PTPRU: variants seen among roughly 807,000 people sequenced by gnomAD.
PTPRU encodes protein tyrosine phosphatase receptor type U.
In PTPRU, 69 loss-of-function variants were observed where a neutral mutation model predicts 166.3. The observed-to-expected ratio is 0.41, with a 90% CI of 0.34 to 0.51. PTPRU has a LOEUF of 0.51. Among genes scored for constraint, PTPRU ranks in the 20% least tolerant of loss-of-function variants. The pLI is 0.09. For synonymous variants in PTPRU, 793 were observed against 814.0 expected (o/e 0.97, Z 0.44); for missense variants, 1,657 against 2,013.7 (o/e 0.82, Z 3.39).
At chr1:29,242,502 T>G (rs1684103109) in intron 1 of PTPRU, among the ~76,000 whole-genome samples, 1 of 152,212 alleles carries the variant, frequency 6.6e-6, no homozygotes. Flanking sequence ...TCCAATACGG[T>G]GGCTCCTGAG....
At chr1:29,278,778 T>C (rs1685926816) in intron 8 of PTPRU, among the ~76,000 whole-genome samples, 1 of 152,256 alleles carries the variant, frequency 6.6e-6, no homozygotes, top group Admixed American at 6.5e-5. Flanking sequence ...TAGTAATAGG[T>C]TGAACCATAT....
chr1:29,255,517 A>G, intron 2 of PTPRU, 111 bp downstream of exon 2: 2 of 1,446,422 alleles, frequency 1.4e-6, no homozygotes, highest in South Asian at 1.3e-5. Context: ...CCCCATCTAC[A>G]TTTGCATCTT....
Position 29,255,392 on chromosome 1 carries a change from C to A in PTPRU, c.191C>A (p.Ala64Glu), listed in dbSNP as rs199954695. 3.1e-6 allele frequency: 5 copies of A among 1,614,128 alleles called. No individual in the cohort carries two copies. The highest frequency in any genetic ancestry group is 4.2e-6 in the Non-Finnish European group (5 of 1,179,992). ...VRIHPGTRAP[A>E]DLPHGSYLMV... ...ATCCACCCTGGCACCCGGGCACCTG[C>A]GGACCTGCCCCACGGTAAGTCTACT... is the stretch of plus-strand genomic sequence containing the variant. The change falls in exon 2 of 30, where the codon GCG (alanine) becomes GAG (glutamate). Residue 64 changes from alanine (A) to glutamate (E), a missense_variant. By Grantham distance (107) the Ala-to-Glu change is moderately radical. Transcript: ENST00000373779.
At chr1:29,288,984 C>G (rs1686492210) in intron 14 of PTPRU, among the ~76,000 whole-genome samples, 2 of 152,152 alleles carry the variant, frequency 1.3e-5, no homozygotes, top group Admixed American at 1.3e-4. Context: ...GGATCCCACA[C>G]CCAGGGGCAG....
chr1:29,304,039 G>A lies in PTPRU; in HGVS notation c.2661G>A (p.Glu887=), dbSNP rs750225213. The A allele has an allele frequency of 2.5e-6, 4 of 1,604,106 alleles. No individual in the cohort carries two copies. Among genetic ancestry groups the A allele is most frequent in the African/African-American group, 1.3e-5 (1 of 74,704 alleles). Residue 887 remains glutamate (E), a synonymous_variant, in exon 16 of 30, where the codon GAG becomes GAA. Transcript: ENST00000373779. The part of the protein sequence containing the change: ...KTAEGYGFKQ[E]YESFFEGWDA... ...CCGAGGGTTACGGCTTCAAGCAGGA[G>A]TATGAGGTGCACGCCGGCCCCGGGC...
intron 26 of PTPRU, among the ~76,000 whole-genome samples, chr1:29,321,164 G>A (rs1472737422): frequency 4.6e-5 from 7 of 151,134 alleles, no homozygotes; most frequent in African/African-American, 1.5e-4. Flanking sequence ...TCGAGTAGCT[G>A]GGACTACAGG....
chr1:29,267,319 T>C (rs1685347862), intron 7 of PTPRU, among the ~76,000 whole-genome samples: 1 of 152,218 alleles, frequency 6.6e-6, no homozygotes, highest in African/African-American at 2.4e-5. Context: ...TATGTGTGAA[T>C]TCGGTTATAT....
chr1:29,300,105 T>A (rs949572229), intron 15 of PTPRU, among the ~76,000 whole-genome samples: 2 of 152,220 alleles, frequency 1.3e-5, no homozygotes, highest in Non-Finnish European at 2.9e-5. Flanking sequence ...ATCATCATAT[T>A]GGATTGTAAC....
chr1:29,305,479 G>T (rs747883534), intron 18 of PTPRU, 51 bp downstream of exon 18: 1 of 1,561,716 alleles, frequency 6.4e-7, no homozygotes, highest in South Asian at 1.1e-5. Flanking sequence ...CCCGCTCCAG[G>T]CTTACTATCC....
intron 7 of PTPRU, among the ~76,000 whole-genome samples, chr1:29,261,371 C>G (rs1240911447): frequency 6.6e-6 from 1 of 152,150 alleles, no homozygotes; most frequent in Non-Finnish European, 1.5e-5. Context: ...TTTCTCTTGT[C>G]TGGGTGTTGA....
rs748657115 is a variant in PTPRU at position 29,325,708 on chromosome 1, A to G, written c.*47A>G. On this transcript the variant is annotated 3_prime_UTR_variant, in exon 30 of 30. Transcript: ENST00000373779. The stretch of plus-strand genomic sequence containing the variant: ...CCACTGCACACTCAGGGCCAGACCC[A>G]CCATCCTGGACTGGCGAGGAAGATC... 29 of 1,495,914 alleles carry G rather than the reference A, an allele frequency of 1.9e-5. No individual in the cohort carries two copies. In the South Asian group the frequency reaches 3.4e-4, roughly 18 times the overall value. The allele number at this position is 1,495,914 out of a possible 1,614,324, so 92.7% of individuals were successfully genotyped here. A position where few individuals can be genotyped will look rare whatever the true frequency, so the allele number is the denominator to read the frequency against.
At chr1:29,285,978 G>T (rs951826373) in intron 14 of PTPRU, among the ~76,000 whole-genome samples, 2 of 152,342 alleles carry the variant, frequency 1.3e-5, no homozygotes, top group East Asian at 3.9e-4. Context: ...TCCCCACCTG[G>T]GCTCTGGCTT....
intron 7 of PTPRU, among the ~76,000 whole-genome samples, chr1:29,269,391 A>G (rs1404925977): frequency 6.7e-6 from 1 of 150,160 alleles, no homozygotes; most frequent in Non-Finnish European, 1.5e-5. Context: ...CAGTGCATCC[A>G]GCCTAATCCA....
chr1:29,245,378 G>A lies in PTPRU; in HGVS notation c.73+8661G>A, dbSNP rs145724386. 1.2e-4 allele frequency among the ~76,000 whole-genome samples: 19 copies of A among 152,234 alleles called. No homozygotes were observed. The East Asian group carries it at 1.5e-3, about 12-fold the overall frequency. On this transcript the variant is annotated intron_variant, in intron 1 of 29. Transcript: ENST00000373779. Reference sequence around the variant, plus strand: ...ACTTGTGGGGTGAGCCAGCGTGGCCGGGCAGAGCTGTAGGTAGAGAGTTTT... The same window carrying A: ...ACTTGTGGGGTGAGCCAGCGTGGCCAGGCAGAGCTGTAGGTAGAGAGTTTT...
At chr1:29,284,511 A>G (rs1277310211) in intron 13 of PTPRU, among the ~76,000 whole-genome samples, 1 of 152,158 alleles carries the variant, frequency 6.6e-6, no homozygotes, top group African/African-American at 2.4e-5. Flanking sequence ...GAGGGAAGCT[A>G]TTCCTGGCAA....
intron 1 of PTPRU, among the ~76,000 whole-genome samples, chr1:29,241,139 G>A (rs905857352): frequency 6.6e-6 from 1 of 152,172 alleles, no homozygotes; most frequent in Non-Finnish European, 1.5e-5. Flanking sequence ...TTGGAGTAGG[G>A]AGGTAACCAG....
In PTPRU at chr1:29,259,445, G is replaced by A. The variant is rs375775864; in HGVS notation, c.560-4G>A. The A allele has an allele frequency of 6.5e-5, 105 of 1,609,868 alleles. No homozygotes were observed. The highest frequency in any genetic ancestry group is 8.7e-5 in the Non-Finnish European group (102 of 1,177,342). On this transcript the variant is annotated splice_polypyrimidine_tract_variant and splice_region_variant and intron_variant, in intron 4 of 29. Transcript: ENST00000373779. ...CAGCTCACGATGCAGCTCTAACCCCGCAGCAAAGGCCCCACACTTCTCCCG... is the reference window on the plus strand; with the variant it reads ...CAGCTCACGATGCAGCTCTAACCCCACAGCAAAGGCCCCACACTTCTCCCG...
intron 19 of PTPRU, 70 bp downstream of exon 19, chr1:29,310,850 C>T: frequency 6.5e-7 from 1 of 1,527,592 alleles, no homozygotes. Flanking sequence ...CCTCAGCTTG[C>T]CTTTCTGCCT....
chr1:29,278,100 C>T (rs185095961), intron 8 of PTPRU, among the ~76,000 whole-genome samples: 10 of 152,086 alleles, frequency 6.6e-5, no homozygotes, highest in East Asian at 1.9e-4. Flanking sequence ...GGATTACATG[C>T]GTGAGCCACC....
Sources: allele counts gnomAD v4.1 joint callset (sites outside exome capture counted in the v4.1 genomes callset), GRCh38; gene constraint gnomAD v4.1.1; transcripts MANE v1.5; gene names NCBI Gene and HGNC (gene_info 2026-07-23, HGNC 2026-07-21).